PELP1: variants seen among roughly 807,000 people sequenced by gnomAD.
The protein encoded by PELP1 is proline-, glutamic acid- and leucine-rich protein 1.
Under a neutral mutation model 95.5 loss-of-function variants are expected in PELP1, and 32 were observed. The observed-to-expected ratio is 0.34, with a 90% CI of 0.25 to 0.45. PELP1 has a LOEUF of 0.45. Among genes scored for constraint, PELP1 ranks in the 20% least tolerant of loss-of-function variants. The pLI is 1.00. For missense variants in PELP1, 1,358 were observed against 1,444.8 expected (o/e 0.94, Z 0.97); for synonymous variants, 668 against 600.1 (o/e 1.11, Z -1.65).
At chr17:4,688,471 G>C (rs570037674) in intron 3 of PELP1, among the ~76,000 whole-genome samples, 2 of 152,068 alleles carry the variant, frequency 1.3e-5, no homozygotes, top group South Asian at 4.1e-4. Context: ...AAAGCTCCTA[G>C]ATCCAATAAA....
rs757447049 is a variant in PELP1, at chr17:4,671,427, T to A, written c.*12A>T. 7.8e-7 allele frequency: 1 copy of A among 1,282,918 alleles called. No individual in the cohort carries two copies. Among genetic ancestry groups the A allele is most frequent in the East Asian group, 2.3e-5 (1 of 43,424 alleles). The allele number at this position is 1,282,918 out of a possible 1,614,324, so 79.5% of individuals were successfully genotyped here. A position where few individuals can be genotyped will look rare whatever the true frequency, so the allele number is the denominator to read the frequency against. On this transcript the variant is annotated 3_prime_UTR_variant, in exon 17 of 17. Transcript: ENST00000572293. ...ACTTTATTGGAAACAAAGAGTGGGGTGCAGAAGATGGCTAGGAGTCAGGCT... is the reference window on the plus strand; with the variant it reads ...ACTTTATTGGAAACAAAGAGTGGGGAGCAGAAGATGGCTAGGAGTCAGGCT...
At chr17:4,699,328 C>G (rs1052890085) in intron 1 of PELP1, among the ~76,000 whole-genome samples, 1 of 151,486 alleles carries the variant, frequency 6.6e-6, no homozygotes, top group Admixed American at 6.6e-5. Context: ...TGCAGTGAGC[C>G]AAAATCGCAC....
At chr17:4,693,089 C>A (rs934597648) in intron 1 of PELP1, among the ~76,000 whole-genome samples, 1 of 152,166 alleles carries the variant, frequency 6.6e-6, no homozygotes, top group African/African-American at 2.4e-5. Flanking sequence ...ATATTTACCA[C>A]AAATATAAAA....
intron 1 of PELP1, among the ~76,000 whole-genome samples, chr17:4,702,044 G>A (rs1415976281): frequency 6.6e-6 from 1 of 152,196 alleles, no homozygotes; most frequent in Non-Finnish European, 1.5e-5. Context: ...TGAGGGAGGA[G>A]AGGAAGTCCT....
At position 4,673,956 on chromosome 17, in the gene PELP1, G is replaced by A. The variant is rs190040103; in HGVS notation, c.1583-282C>T. 42 of 430,770 alleles carry A rather than the reference G, an allele frequency of 9.7e-5. No individual in the cohort carries two copies. Among genetic ancestry groups the A allele is most frequent in the African/African-American group, 7.7e-4 (39 of 50,370 alleles). 26.7% of individuals were successfully genotyped at this position (430,770 alleles called of 1,614,324 possible). The stretch of plus-strand genomic sequence containing the variant: ...TTCTCCCCTTCCCATGGGATGGGGT[G>A]GCAGGCAGTGAAATATATGGGACCC... On this transcript the variant is annotated intron_variant, in intron 13 of 16. Coordinates refer to ENST00000572293, the MANE Select transcript of PELP1 (RefSeq NM_014389.3). The surrounding 1 kb of genome is among the most constrained non-coding windows in gnomAD (Gnocchi z 5.7).
chr17:4,685,180 T>C (rs1317177107), intron 3 of PELP1, among the ~76,000 whole-genome samples: 1 of 152,116 alleles, frequency 6.6e-6, no homozygotes, highest in Non-Finnish European at 1.5e-5. Context: ...AAAACCACTC[T>C]CACTATGGTC....
In PELP1 at chr17:4,676,020, C is replaced by T; in HGVS notation, c.980+16G>A. Reference sequence around the variant, plus strand: ...TCCTGCTCCACGCCTCCGCTCCCTCCAATACCCACACACACCTGAGCATGA... The same window carrying T: ...TCCTGCTCCACGCCTCCGCTCCCTCTAATACCCACACACACCTGAGCATGA... On this transcript the variant is annotated intron_variant, in intron 8 of 16. Coordinates refer to ENST00000572293, the MANE Select transcript of PELP1 (RefSeq NM_014389.3). The T allele has an allele frequency of 1.2e-6, 2 of 1,613,512 alleles. No individual in the cohort carries two copies. The highest frequency in any genetic ancestry group is 8.5e-7 in the Non-Finnish European group (1 of 1,179,632).
rs199514680 is a variant in PELP1 at position 4,675,261 on chromosome 17, C to A, written c.1157+13G>T. ...CCCTATCCCTTCACCACAGCCAGCCCAATCCCACTCACGCGAGGATGAGTG... is the reference window on the plus strand; with the variant it reads ...CCCTATCCCTTCACCACAGCCAGCCAAATCCCACTCACGCGAGGATGAGTG... On this transcript the variant is annotated intron_variant, in intron 10 of 16. Transcript: ENST00000572293. The surrounding 1 kb of genome is among the most constrained non-coding windows in gnomAD (Gnocchi z 4.3). 31 of 1,586,424 alleles carry A rather than the reference C, an allele frequency of 2.0e-5. No homozygotes were observed. Among genetic ancestry groups the A allele is most frequent in the Non-Finnish European group, 5.1e-6 (6 of 1,166,752 alleles).
chr17:4,671,730 C>T lies in PELP1; in HGVS notation c.3261G>A (p.Glu1087=), dbSNP rs779561265. ...QPPPETPAEE[E]METETEAEAL... ...CTTCGGCCTCTGTCTCTGTCTCCATCTCTTCTTCTGCAGGTGTCTCTGGTG... is the reference window on the plus strand; with the variant it reads ...CTTCGGCCTCTGTCTCTGTCTCCATTTCTTCTTCTGCAGGTGTCTCTGGTG... The change falls in exon 16 of 17, where the codon GAG becomes GAA. Residue 1087 remains glutamate, a synonymous_variant. Coordinates refer to ENST00000572293, the MANE Select transcript of PELP1 (RefSeq NM_014389.3). 5.9e-6 allele frequency: 9 copies of T among 1,538,412 alleles called. No homozygotes were observed. The Admixed American group carries it at 8.9e-5, about 15-fold the overall frequency.
rs781620446 is a variant in PELP1 at position 4,691,340 on chromosome 17, A to AAC, written c.314+36_314+37dup. 1.3e-3 allele frequency: 1,913 copies of AAC among 1,481,902 alleles called. 8 individuals carry two copies. The highest frequency in any genetic ancestry group is 5.7e-4 in the Non-Finnish European group (604 of 1,061,034). The allele number at this position is 1,481,902 out of a possible 1,614,324, so 91.8% of individuals were successfully genotyped here. A position where few individuals can be genotyped will look rare whatever the true frequency, so the allele number is the denominator to read the frequency against. ...TGTACATATGCCCACTTCCTAAGGG[A>AAC]ACACGCCCCTGGAGAAAAAAAAGGG... On this transcript the variant is annotated intron_variant, in intron 2 of 16. Coordinates refer to ENST00000572293, the MANE Select transcript of PELP1 (RefSeq NM_014389.3).
At chr17:4,699,266 C>A (rs1913425688) in intron 1 of PELP1, among the ~76,000 whole-genome samples, 1 of 151,894 alleles carries the variant, frequency 6.6e-6, no homozygotes, top group South Asian at 2.1e-4. Flanking sequence ...GTAGTCCCAG[C>A]TACTTTGGGA....
In PELP1 at chr17:4,682,836, G is replaced by A. The variant is rs1168037706; in HGVS notation, c.537C>T (p.Gly179=). 1 of 1,597,510 alleles carries A rather than the reference G, an allele frequency of 6.3e-7. No individual in the cohort carries two copies. Among genetic ancestry groups the A allele is most frequent in the Non-Finnish European group, 8.5e-7 (1 of 1,173,158 alleles). ...TGAGGCCCAGCAGGGAGGTGAGAAG[G>A]CCAGGGAGGTGGTTCATGGAGATGT... ...FRDISMNHLP[G]LLTSLLGLRP... Residue 179 remains glycine, a synonymous_variant, in exon 4 of 17, where the codon GGC becomes GGT. Transcript: ENST00000572293.
intron 3 of PELP1, among the ~76,000 whole-genome samples, chr17:4,686,979 A>T (rs1260167313): frequency 6.6e-6 from 1 of 152,154 alleles, no homozygotes; most frequent in African/African-American, 2.4e-5. Context: ...GCCACATCTC[A>T]TCAATTCTAG....
intron 3 of PELP1, among the ~76,000 whole-genome samples, chr17:4,683,377 C>T (rs897259236): frequency 3.8e-4 from 58 of 151,764 alleles, no homozygotes; most frequent in East Asian, 2.1e-3. Flanking sequence ...CCCGCCACCA[C>T]GCCTGACTAA....
chr17:4,691,460 G>C lies in PELP1; in HGVS notation c.250-18C>G, dbSNP rs1178517833. The C allele has an allele frequency of 4.4e-6, 7 of 1,600,672 alleles. No homozygotes were observed. The highest frequency in any genetic ancestry group is 6.0e-6 in the Non-Finnish European group (7 of 1,167,988). Reference sequence around the variant, plus strand: ...GAAAGGTTCTGGAGGAAAGAAAACAGGGAAGCGAGTCACAAACGGGATGTT... The same window carrying C: ...GAAAGGTTCTGGAGGAAAGAAAACACGGAAGCGAGTCACAAACGGGATGTT... On this transcript the variant is annotated intron_variant, in intron 1 of 16. Coordinates refer to ENST00000572293, the MANE Select transcript of PELP1 (RefSeq NM_014389.3).
chr17:4,703,389 C>T (rs1913624164), intron 1 of PELP1, among the ~76,000 whole-genome samples: 1 of 152,192 alleles, frequency 6.6e-6, no homozygotes, highest in Admixed American at 6.5e-5. Context: ...AGGTTAGAGA[C>T]CCCTGATATT....
At chr17:4,681,301 A>G (rs1424610940) in intron 5 of PELP1, among the ~76,000 whole-genome samples, 11 of 152,140 alleles carry the variant, frequency 7.2e-5, no homozygotes, top group Admixed American at 4.6e-4. Flanking sequence ...CCTGGCCAAC[A>G]TAGTGATACC....
chr17:4,676,599 C>G, intron 6 of PELP1, 92 bp from the exon 7 acceptor site: 1 of 1,514,622 alleles, frequency 6.6e-7, no homozygotes, highest in Non-Finnish European at 9.1e-7. Flanking sequence ...AGATGGAGAT[C>G]AGAGAGAGCT....
intron 5 of PELP1, among the ~76,000 whole-genome samples, chr17:4,680,123 T>C (rs760556584): frequency 7.9e-5 from 12 of 152,218 alleles, no homozygotes; most frequent in Non-Finnish European, 1.5e-4. Context: ...AATGCAGTGA[T>C]ACAAATTCCA....
Sources: gnomAD v4.1 joint callset for allele counts (sites outside exome capture counted in the v4.1 genomes callset) on GRCh38, gnomAD v4.1.1 for gene constraint, Gnocchi (gnomAD v3.1) non-coding constraint, MANE v1.5 for transcripts, NCBI Gene and HGNC (gene_info 2026-07-23, HGNC 2026-07-21) for gene names.